RPP21: variants seen among roughly 807,000 people sequenced by gnomAD.
RPP21 encodes the protein ribonuclease P subunit p21, also known as ribonuclease P protein subunit p21.
In RPP21, 21 loss-of-function variants were observed where a neutral mutation model predicts 19.0. The ratio of observed to expected loss-of-function variants is 1.11; its 90% confidence interval spans 0.78 to 1.59. The LOEUF is 1.59. Ranked by LOEUF, RPP21 falls within the 40% of genes most tolerant of loss-of-function variation. The pLI is 0.00. For missense variants in RPP21, 215 were observed against 200.2 expected (o/e 1.07, Z -0.45); for synonymous variants, 93 against 78.7 (o/e 1.18, Z -0.96).
In RPP21 at chr6:30,346,367, C is replaced by T; in HGVS notation, c.242-65C>T. On this transcript the variant is annotated intron_variant, in intron 3 of 4. Coordinates refer to ENST00000442966, the MANE Select transcript of RPP21 (RefSeq NM_024839.4). The surrounding 1 kb of genome is among the most constrained non-coding windows in gnomAD (Gnocchi z 4.7). Reference sequence around the variant, plus strand: ...GATACCTACTGAAAAACACTGGAGGCAAAACTGGCAGCAAGAGACCGTTAC... The same window carrying T: ...GATACCTACTGAAAAACACTGGAGGTAAAACTGGCAGCAAGAGACCGTTAC... 6.3e-7 allele frequency: 1 copy of T among 1,578,274 alleles called. No homozygotes were observed. The highest frequency in any genetic ancestry group is 1.1e-5 in the South Asian group (1 of 87,296).
chr6:30,345,278 T>C lies in RPP21; in HGVS notation c.58-20T>C. 4 of 1,613,002 alleles carry C rather than the reference T, an allele frequency of 2.5e-6. No homozygotes were observed. The highest frequency in any genetic ancestry group is 3.4e-6 in the Non-Finnish European group (4 of 1,179,680). On this transcript the variant is annotated intron_variant, in intron 1 of 4. Coordinates refer to ENST00000442966, the MANE Select transcript of RPP21 (RefSeq NM_024839.4). ...GGGGACGGTGCTCGGCGTCCCAGAG[T>C]GACTGCTCCCCTCCCGCAGGCCGCC...
chr6:30,345,434 C>T, intron 2 of RPP21, 36 bp downstream of exon 2: 1 of 1,611,312 alleles, frequency 6.2e-7, no homozygotes, highest in Non-Finnish European at 8.5e-7. Context: ...GGGCGGGACG[C>T]GGGAGGAACG....
chr6:30,346,564 G>A lies in RPP21; in HGVS notation c.367+7G>A, dbSNP rs766536778. 1.2e-4 allele frequency: 196 copies of A among 1,614,012 alleles called. No homozygotes were observed. Among genetic ancestry groups the A allele is most frequent in the Non-Finnish European group, 1.4e-4 (166 of 1,180,042 alleles). ...CAGCTCGGGAGCCAAGCAGGTGAGA[G>A]GTGAGGGAGAAAATGGAGGACACCC... On this transcript the variant is annotated splice_region_variant and intron_variant, in intron 4 of 4. Coordinates refer to ENST00000442966, the MANE Select transcript of RPP21 (RefSeq NM_024839.4). This position sits in a 1 kb window ranked among gnomAD's most constrained non-coding sequence, Gnocchi z 4.7.
At position 30,346,264 on chromosome 6, in the gene RPP21, A is replaced by T; in HGVS notation, c.242-168A>T. ...TTTGAACTTTATCTTAAAGAGTTCCAGGAAATCGATGGAGCTTATGCCGAG... is the reference window on the plus strand; with the variant it reads ...TTTGAACTTTATCTTAAAGAGTTCCTGGAAATCGATGGAGCTTATGCCGAG... On this transcript the variant is annotated intron_variant, in intron 3 of 4. Transcript: ENST00000442966. This position sits in a 1 kb window ranked among gnomAD's most constrained non-coding sequence, Gnocchi z 4.7. 4.2e-6 allele frequency: 5 copies of T among 1,186,774 alleles called. No homozygotes were observed. Among genetic ancestry groups the T allele is most frequent in the Non-Finnish European group, 5.8e-6 (5 of 863,578 alleles). 73.5% of individuals were successfully genotyped at this position (1,186,774 alleles called of 1,614,324 possible). A position where few individuals can be genotyped will look rare whatever the true frequency, so the allele number is the denominator to read the frequency against.
In RPP21 at chr6:30,346,617, G is replaced by C. The variant is rs1788182884; in HGVS notation, c.367+60G>C. 2.5e-6 allele frequency: 4 copies of C among 1,613,870 alleles called. No individual in the cohort carries two copies. The South Asian group carries it at 4.4e-5, about 18-fold the overall frequency. On this transcript the variant is annotated intron_variant, in intron 4 of 4. Transcript: ENST00000442966. This position sits in a 1 kb window ranked among gnomAD's most constrained non-coding sequence, Gnocchi z 4.7. ...GAGGATAGGGACAATGGAGAACGTAGAGTGAAGAGGACACATGGACAGGTT... is the reference window on the plus strand; with the variant it reads ...GAGGATAGGGACAATGGAGAACGTACAGTGAAGAGGACACATGGACAGGTT...
chr6:30,345,478 C>T lies in RPP21; in HGVS notation c.159-13C>T, dbSNP rs752976746. On this transcript the variant is annotated splice_polypyrimidine_tract_variant and intron_variant, in intron 2 of 4. Transcript: ENST00000442966. ...AGCGCGGGCGCCAGACCACTATCCT[C>T]CTCCGCCCCCAGGGATCCCTCGGTG... 1 of 1,610,130 alleles carries T rather than the reference C, an allele frequency of 6.2e-7. No homozygotes were observed. Among genetic ancestry groups the T allele is most frequent in the African/African-American group, 1.3e-5 (1 of 74,838 alleles).
In RPP21 at chr6:30,345,239, G is replaced by A. The variant is rs776228308; in HGVS notation, c.57+11G>A. On this transcript the variant is annotated intron_variant, in intron 1 of 4. Transcript: ENST00000442966. ...AACTTCCTGTACCAGGTGAGTCTGC[G>A]ACAAGGGCCCCACGGGGACGGTGCT... 3 of 1,610,606 alleles carry A rather than the reference G, an allele frequency of 1.9e-6. No individual in the cohort carries two copies. The highest frequency in any genetic ancestry group is 2.2e-5 in the East Asian group (1 of 44,808).
In RPP21 at chr6:30,346,715, T is replaced by G; in HGVS notation, c.370T>G (p.Ser124Ala). The change falls in exon 5 of 5, where the codon TCC (serine) becomes GCC (alanine). Residue 124 changes from serine to alanine, a missense_variant and splice_region_variant. By Grantham distance (99) the Ser-to-Ala change is moderately conservative (BLOSUM62 1). Coordinates refer to ENST00000442966, the MANE Select transcript of RPP21 (RefSeq NM_024839.4). This position sits in a 1 kb window ranked among gnomAD's most constrained non-coding sequence, Gnocchi z 4.7. ...PEAQLGSQAD[S>A]KPLQPLPNTA... ...TCTGATTCTGCTCATTTACTCAGAT[T>G]CCAAACCACTACAACCCTTGCCAAA... The G allele has an allele frequency of 5.6e-6, 9 of 1,613,540 alleles. No individual in the cohort carries two copies. Among genetic ancestry groups the G allele is most frequent in the Non-Finnish European group, 7.6e-6 (9 of 1,180,016 alleles).
In RPP21 at chr6:30,345,502, T is replaced by G; in HGVS notation, c.170T>G (p.Val57Gly). The change falls in exon 3 of 5, where the codon GTG becomes GGG. Residue 57 changes from valine to glycine, a missense_variant. Physicochemically the swap from Val to Gly is moderately radical, Grantham distance 109 (BLOSUM62 -3). Transcript: ENST00000442966. Reference protein sequence around the residue: ...KRLVLRRDPSVKRTLCRGCSS... With the variant: ...KRLVLRRDPSGKRTLCRGCSS... The stretch of plus-strand genomic sequence containing the variant: ...TCCTCCGCCCCCAGGGATCCCTCGG[T>G]GAAGAGGACTCTCTGTCGAGGCTGC... 6.2e-7 allele frequency: 1 copy of G among 1,605,542 alleles called. No homozygotes were observed. The highest frequency in any genetic ancestry group is 8.5e-7 in the Non-Finnish European group (1 of 1,175,972).
Position 30,346,215 on chromosome 6 carries a change from A to G in RPP21, c.242-217A>G, listed in dbSNP as rs1712244127. 1.3e-6 allele frequency: 1 copy of G among 758,350 alleles called. No individual in the cohort carries two copies. The highest frequency in any genetic ancestry group is 3.3e-5 in the Admixed American group (1 of 30,022). 47.0% of individuals were successfully genotyped at this position (758,350 alleles called of 1,614,324 possible). The stretch of plus-strand genomic sequence containing the variant: ...ATGAGACTGGAGGGGGAAACAGGCC[A>G]GTTCTTGAAGTCTTGTTAGGGAGTT... On this transcript the variant is annotated intron_variant, in intron 3 of 4. Transcript: ENST00000442966. This position sits in a 1 kb window ranked among gnomAD's most constrained non-coding sequence, Gnocchi z 4.7.
In RPP21 at chr6:30,346,661, T is replaced by C; in HGVS notation, c.368-52T>C. On this transcript the variant is annotated intron_variant, in intron 4 of 4. Transcript: ENST00000442966. This position sits in a 1 kb window ranked among gnomAD's most constrained non-coding sequence, Gnocchi z 4.7. ...ACAGGTTCTGGGTTGGTGTGAGAAGTACCACAGTCAGAAAACTAATTCTGT... is the reference window on the plus strand; with the variant it reads ...ACAGGTTCTGGGTTGGTGTGAGAAGCACCACAGTCAGAAAACTAATTCTGT... The C allele has an allele frequency of 6.2e-7, 1 of 1,613,976 alleles. No homozygotes were observed. Among genetic ancestry groups the C allele is most frequent in the Non-Finnish European group, 8.5e-7 (1 of 1,179,912 alleles).
chr6:30,345,532 C>G lies in RPP21; in HGVS notation c.200C>G (p.Ser67Cys), dbSNP rs892839091. 2 of 1,589,810 alleles carry G rather than the reference C, an allele frequency of 1.3e-6. No individual in the cohort carries two copies. Among genetic ancestry groups the G allele is most frequent in the African/African-American group, 2.7e-5 (2 of 74,250 alleles). The change falls in exon 3 of 5, where the codon TCC becomes TGC. Residue 67 changes from serine (S) to cysteine (C), a missense_variant. Ser to Cys is a moderately radical substitution (Grantham distance 112). Transcript: ENST00000442966. ...VKRTLCRGCS[S>C]LLVPGLTCTQ... is the part of the protein sequence containing the mutation. Reference sequence around the variant, plus strand: ...AGGACTCTCTGTCGAGGCTGCTCTTCCCTCCTCGTCCCGGGCCTCACCTGC... The same window carrying G: ...AGGACTCTCTGTCGAGGCTGCTCTTGCCTCCTCGTCCCGGGCCTCACCTGC...
Position 30,345,412 on chromosome 6 carries a change from G to GGGGCGGGCGGC in RPP21, c.158+22_158+32dup. 1 of 1,611,898 alleles carries GGGGCGGGCGGC rather than the reference G, an allele frequency of 6.2e-7. No individual in the cohort carries two copies. Among genetic ancestry groups the GGGGCGGGCGGC allele is most frequent in the Non-Finnish European group, 8.5e-7 (1 of 1,179,240 alleles). ...CGTCTTGCGGCGGTGAGACAGCCACGGGGCGGGCGGCGGGCGGGACGCGGG... is the reference window on the plus strand; with the variant it reads ...CGTCTTGCGGCGGTGAGACAGCCACGGGGCGGGCGGCGGGCGGGCGGCGGGCGGGACGCGGG... On this transcript the variant is annotated intron_variant, in intron 2 of 4. Transcript: ENST00000442966.
In RPP21 at chr6:30,346,680, A is replaced by G. The variant is rs1444714529; in HGVS notation, c.368-33A>G. The G allele has an allele frequency of 4.3e-6, 7 of 1,613,852 alleles. No individual in the cohort carries two copies. Among genetic ancestry groups the G allele is most frequent in the Non-Finnish European group, 5.9e-6 (7 of 1,179,992 alleles). On this transcript the variant is annotated intron_variant, in intron 4 of 4. Transcript: ENST00000442966. The surrounding 1 kb of genome is among the most constrained non-coding windows in gnomAD (Gnocchi z 4.7). Reference sequence around the variant, plus strand: ...GAGAAGTACCACAGTCAGAAAACTAATTCTGTTTCTCTGATTCTGCTCATT... The same window carrying G: ...GAGAAGTACCACAGTCAGAAAACTAGTTCTGTTTCTCTGATTCTGCTCATT...
rs149764842 is a variant in RPP21, at chr6:30,346,772, G to C, written c.427G>C (p.Glu143Gln). The C allele has an allele frequency of 2.4e-5, 38 of 1,613,234 alleles. No homozygotes were observed. The African/African-American group carries it at 4.8e-4, about 20-fold the overall frequency. The change falls in exon 5 of 5, where the codon GAG becomes CAG. Residue 143 changes from glutamate to glutamine, a missense_variant. Transcript: ENST00000442966. This position sits in a 1 kb window ranked among gnomAD's most constrained non-coding sequence, Gnocchi z 4.7. ...CCACTCCATTTCAGACCGCCTTCCTGAGGAGAAAATGCAGACTCAGGGTTC... is the reference window on the plus strand; with the variant it reads ...CCACTCCATTTCAGACCGCCTTCCTCAGGAGAAAATGCAGACTCAGGGTTC... ...TAHSISDRLP[E>Q]EKMQTQGSSN...
rs527262520 is a variant in RPP21, at chr6:30,346,271, C to T, written c.242-161C>T. ...TTTATCTTAAAGAGTTCCAGGAAAT[C>T]GATGGAGCTTATGCCGAGGCCTGAC... On this transcript the variant is annotated intron_variant, in intron 3 of 4. Transcript: ENST00000442966. The surrounding 1 kb of genome is among the most constrained non-coding windows in gnomAD (Gnocchi z 4.7). 6.2e-5 allele frequency: 76 copies of T among 1,224,730 alleles called. No individual in the cohort carries two copies. The highest frequency in any genetic ancestry group is 8.4e-5 in the Non-Finnish European group (75 of 895,366). The allele number at this position is 1,224,730 out of a possible 1,614,324, so 75.9% of individuals were successfully genotyped here.
At position 30,346,375 on chromosome 6, in the gene RPP21, G is replaced by A; in HGVS notation, c.242-57G>A. 1 of 1,583,830 alleles carries A rather than the reference G, an allele frequency of 6.3e-7. No individual in the cohort carries two copies. The highest frequency in any genetic ancestry group is 8.6e-7 in the Non-Finnish European group (1 of 1,159,200). Reference sequence around the variant, plus strand: ...CTGAAAAACACTGGAGGCAAAACTGGCAGCAAGAGACCGTTACTTCTAAAC... The same window carrying A: ...CTGAAAAACACTGGAGGCAAAACTGACAGCAAGAGACCGTTACTTCTAAAC... On this transcript the variant is annotated intron_variant, in intron 3 of 4. Transcript: ENST00000442966. This position sits in a 1 kb window ranked among gnomAD's most constrained non-coding sequence, Gnocchi z 4.7.
In RPP21 at chr6:30,345,412, G is replaced by A. The variant is rs757112061; in HGVS notation, c.158+14G>A. On this transcript the variant is annotated intron_variant, in intron 2 of 4. Transcript: ENST00000442966. ...CGTCTTGCGGCGGTGAGACAGCCACGGGGCGGGCGGCGGGCGGGACGCGGG... is the reference window on the plus strand; with the variant it reads ...CGTCTTGCGGCGGTGAGACAGCCACAGGGCGGGCGGCGGGCGGGACGCGGG... 2.9e-5 allele frequency: 46 copies of A among 1,611,780 alleles called. No individual in the cohort carries two copies. In the African/African-American group the frequency reaches 5.7e-4, roughly 20 times the overall value.
intron 3 of RPP21, 115 bp downstream of exon 3, chr6:30,345,688 G>T: frequency 8.3e-7 from 1 of 1,211,898 alleles, no homozygotes; most frequent in Non-Finnish European, 1.1e-6. Context: ...ATGGATGTTG[G>T]GTGTGGGATT....
Sources: allele counts gnomAD v4.1 joint callset, GRCh38; gene constraint gnomAD v4.1.1; non-coding constraint Gnocchi (gnomAD v3.1); transcripts MANE v1.5; gene names NCBI Gene and HGNC (gene_info 2026-07-23, HGNC 2026-07-21).